CREB1: variants seen among roughly 807,000 people sequenced by gnomAD.
CREB1 encodes cAMP responsive element binding protein 1.
A neutral mutation model predicts 42.0 loss-of-function variants in CREB1; 2 were observed. The observed-to-expected ratio is 0.05, with a 90% CI of 0.02 to 0.15. CREB1 has a LOEUF of 0.15. CREB1 is among the 10% of genes least tolerant of loss of function. CREB1 has a pLI of 1.00. For missense variants in CREB1, 199 were observed against 388.9 expected (o/e 0.51, Z 4.11); for synonymous variants, 123 against 139.9 (o/e 0.88, Z 0.85).
chr2:207,537,402 G>A (rs1424215271), intron 1 of CREB1, among the ~76,000 whole-genome samples: 9 of 152,260 alleles, frequency 5.9e-5, no homozygotes, highest in Non-Finnish European at 1.3e-4. Context: ...ATCTGTAAAG[G>A]CAGAACGTTT....
intron 7 of CREB1, among the ~76,000 whole-genome samples, chr2:207,585,847 A>G (rs1392535080): frequency 6.6e-6 from 1 of 152,176 alleles, no homozygotes; most frequent in African/African-American, 2.4e-5. Flanking sequence ...CACACACTAA[A>G]AAGGATGAAG....
chr2:207,562,733 ATCAAAAGAGAT>A (rs1187126348), intron 3 of CREB1, among the ~76,000 whole-genome samples: 1 of 152,218 alleles, frequency 6.6e-6, no homozygotes, highest in Non-Finnish European at 1.5e-5. Context: ...AATAGTTTTT[ATCAAAAGAGAT>A]GATCAAACAA....
intron 6 of CREB1, chr2:207,576,712 A>G: frequency 2.4e-6 from 3 of 1,234,658 alleles, no homozygotes; most frequent in Non-Finnish European, 3.1e-6. Context: ...TTTAGTATAT[A>G]AATCTTTTCC....
rs1047432578 is a variant in CREB1, at chr2:207,547,342, C to G, written c.-8-8286C>G. On this transcript the variant is annotated intron_variant, in intron 1 of 7. Transcript: ENST00000353267. ...ATGTAAGTAGGCTATACATATTTAA[C>G]TTCGGGGCATAGTAACTTTTGGGTA... Among the ~76,000 whole-genome samples the G allele has an allele frequency of 5.9e-5, 9 of 152,198 alleles. No individual in the cohort carries two copies. In the East Asian group the frequency reaches 1.5e-3, roughly 26 times the overall value.
chr2:207,563,224 G>A (rs2082017953), intron 3 of CREB1, among the ~76,000 whole-genome samples: 1 of 152,110 alleles, frequency 6.6e-6, no homozygotes, highest in Non-Finnish European at 1.5e-5. Context: ...AGGTATGGCT[G>A]GAATAGAGTA....
At chr2:207,592,611 T>G (rs1575003397) in intron 7 of CREB1, among the ~76,000 whole-genome samples, 1 of 152,116 alleles carries the variant, frequency 6.6e-6, no homozygotes, top group Non-Finnish European at 1.5e-5. Flanking sequence ...TGTGGCTTGG[T>G]GTCTGTCATT....
intron 1 of CREB1, among the ~76,000 whole-genome samples, chr2:207,550,976 T>TG (rs1406663389): frequency 3.3e-5 from 5 of 152,240 alleles, no homozygotes; most frequent in African/African-American, 1.2e-4. Context: ...TGCTTTATTC[T>TG]GAGTGGCTAT....
intron 7 of CREB1, among the ~76,000 whole-genome samples, chr2:207,589,235 C>T (rs1251855413): frequency 1.3e-5 from 2 of 152,158 alleles, no homozygotes; most frequent in Non-Finnish European, 2.9e-5. Flanking sequence ...TGCATTCCTT[C>T]CTGGAGGTTC....
intron 1 of CREB1, among the ~76,000 whole-genome samples, chr2:207,533,433 G>T (rs1231142427): frequency 1.3e-5 from 2 of 152,040 alleles, no homozygotes; most frequent in Non-Finnish European, 2.9e-5. Flanking sequence ...GTAAAACCAA[G>T]TATGTCTTCC....
At position 207,604,089 on chromosome 2, in the gene CREB1, A is replaced by G. The variant is rs770506006; in HGVS notation, c.*7031A>G. 9.9e-5 allele frequency among the ~76,000 whole-genome samples: 15 copies of G among 152,214 alleles called. No homozygotes were observed. The highest frequency in any genetic ancestry group is 1.6e-4 in the Non-Finnish European group (11 of 68,032). Reference sequence around the variant, plus strand: ...AGTGATATTAATTACATGAGGGACAATAGGCATGAACTAGGATTGTTCTAA... The same window carrying G: ...AGTGATATTAATTACATGAGGGACAGTAGGCATGAACTAGGATTGTTCTAA... On this transcript the variant is annotated 3_prime_UTR_variant, in exon 8 of 8. Coordinates refer to ENST00000353267, the MANE Select transcript of CREB1 (RefSeq NM_004379.5).
At chr2:207,575,934 T>TA (rs772496096) in intron 6 of CREB1, among the ~76,000 whole-genome samples, 2 of 14,206 alleles carry the variant, frequency 1.4e-4, no homozygotes, top group African/African-American at 1.6e-4. Flanking sequence ...TTTCTCTGCT[T>TA]CCCCCCCCCC....
In CREB1 at chr2:207,598,353, G is replaced by C. The variant is rs1200200187; in HGVS notation, c.*1295G>C. 1.6e-5 allele frequency: 3 copies of C among 183,584 alleles called. No homozygotes were observed. Among genetic ancestry groups the C allele is most frequent in the Non-Finnish European group, 3.5e-5 (3 of 86,574 alleles). The allele number at this position is 183,584 out of a possible 1,614,324, so 11.4% of individuals were successfully genotyped here. A position where few individuals can be genotyped will look rare whatever the true frequency, so the allele number is the denominator to read the frequency against. On this transcript the variant is annotated 3_prime_UTR_variant, in exon 8 of 8. Coordinates refer to ENST00000353267, the MANE Select transcript of CREB1 (RefSeq NM_004379.5). ...CTTTAGCTTTCCAATATGCTGTATA[G>C]CCTTTGTCATTTTATAATTTTAATT...
intron 7 of CREB1, among the ~76,000 whole-genome samples, chr2:207,578,292 A>C (rs968373408): frequency 6.6e-6 from 1 of 152,234 alleles, no homozygotes; most frequent in Non-Finnish European, 1.5e-5. Context: ...TTGCCGTCAA[A>C]AACAATAAAA....
chr2:207,604,785 T>C lies in CREB1; in HGVS notation c.*7727T>C, dbSNP rs1409902156. Among the ~76,000 whole-genome samples the C allele has an allele frequency of 6.6e-6, 1 of 152,214 alleles. No individual in the cohort carries two copies. The highest frequency in any genetic ancestry group is 1.5e-5 in the Non-Finnish European group (1 of 68,024). On this transcript the variant is annotated 3_prime_UTR_variant, in exon 8 of 8. Coordinates refer to ENST00000353267, the MANE Select transcript of CREB1 (RefSeq NM_004379.5). ...CCCTGGCAACCACCAATCTGCTTCC[T>C]GTTTCTTTGGATTTACATCCGGGTA...
intron 7 of CREB1, among the ~76,000 whole-genome samples, chr2:207,595,958 G>A (rs1470257036): frequency 1.3e-5 from 2 of 152,076 alleles, no homozygotes; most frequent in South Asian, 2.1e-4. Context: ...ATTGTCTTTC[G>A]ATGTGCAGAA....
intron 5 of CREB1, 94 bp downstream of exon 5, chr2:207,570,415 GTGCCAAGTCTT>G: frequency 8.2e-7 from 1 of 1,220,846 alleles, no homozygotes; most frequent in Non-Finnish European, 1.1e-6. Context: ...ACCAATACAA[GTGCCAAGTCTT>G]CTCAGTTTTG....
chr2:207,561,667 A>G (rs1208423859), intron 3 of CREB1, among the ~76,000 whole-genome samples: 2 of 151,994 alleles, frequency 1.3e-5, no homozygotes, highest in East Asian at 3.9e-4. Context: ...TTAGCCATTT[A>G]TTAGATGGTA....
chr2:207,560,764 T>C (rs559322161), intron 3 of CREB1, among the ~76,000 whole-genome samples: 39 of 152,342 alleles, frequency 2.6e-4, no homozygotes, highest in African/African-American at 8.7e-4. Context: ...ATTAATAACC[T>C]TACCTAAGAT....
intron 7 of CREB1, among the ~76,000 whole-genome samples, chr2:207,587,307 G>A (rs1054906794): frequency 4.0e-5 from 6 of 151,532 alleles, no homozygotes; most frequent in African/African-American, 1.5e-4. Context: ...GCAGGAGAAT[G>A]GCGTGAACCC....
Sources: allele counts gnomAD v4.1 joint callset (sites outside exome capture counted in the v4.1 genomes callset), GRCh38; gene constraint gnomAD v4.1.1; transcripts MANE v1.5; gene names NCBI Gene and HGNC (gene_info 2026-07-23, HGNC 2026-07-21).